Variants in DAB1 observed in about 807,000 individuals in gnomAD.
DAB1 encodes the protein disabled homolog 1.
Under a neutral mutation model 64.6 loss-of-function variants are expected in DAB1, and 15 were observed. The ratio of observed to expected loss-of-function variants is 0.23; its 90% CI spans 0.16 to 0.36. The LOEUF (loss-of-function observed/expected upper bound fraction) is 0.36. DAB1 is among the 10% of genes least tolerant of loss of function. The pLI is 1.00. For synonymous variants in DAB1, 235 were observed against 251.9 expected, an observed-to-expected ratio of 0.93 and a Z score of 0.64; for missense variants, 596 against 706.7, an observed-to-expected ratio of 0.84 and a Z score of 1.78.
chr1:58,369,816 A>T (rs990417762), intron 3 of DAB1, among the ~76,000 whole-genome samples: 6 of 152,254 alleles, frequency 3.9e-5, no homozygotes, highest in African/African-American at 1.4e-4. Flanking sequence ...GGTGACTGGA[A>T]TTAGAGAATC....
At chr1:58,437,299 A>T (rs1275515626) in intron 3 of DAB1, among the ~76,000 whole-genome samples, 1 of 152,222 alleles carries the variant, frequency 6.6e-6, no homozygotes, top group Admixed American at 6.5e-5. Flanking sequence ...ATTCTGATAC[A>T]TACAATCTAA....
chr1:58,358,318 A>C (rs1644130534), intron 3 of DAB1, among the ~76,000 whole-genome samples: 1 of 152,164 alleles, frequency 6.6e-6, no homozygotes, highest in Non-Finnish European at 1.5e-5. Flanking sequence ...AAAGAGGAGG[A>C]AGATTGTGTC....
At chr1:58,242,758 A>G (rs1272278408) in intron 4 of DAB1, among the ~76,000 whole-genome samples, 1 of 152,102 alleles carries the variant, frequency 6.6e-6, no homozygotes, top group East Asian at 1.9e-4. Context: ...GTTTCAAGAG[A>G]CTATTGGATC....
intron 7 of DAB1, among the ~76,000 whole-genome samples, chr1:57,438,150 G>A (rs1558379672): frequency 6.6e-6 from 1 of 152,038 alleles, no homozygotes; most frequent in Non-Finnish European, 1.5e-5. Context: ...TGAGGCACAA[G>A]CCCTTTAGTT....
intron 7 of DAB1, among the ~76,000 whole-genome samples, chr1:57,486,105 A>C (rs1644088810): frequency 6.6e-6 from 1 of 152,138 alleles, no homozygotes; most frequent in Admixed American, 6.5e-5. Flanking sequence ...AAAACAGATA[A>C]ATTAGGTTAA....
intron 5 of DAB1, among the ~76,000 whole-genome samples, chr1:58,106,881 T>C (rs1651677800): frequency 8.5e-6 from 1 of 118,210 alleles, no homozygotes; most frequent in Non-Finnish European, 1.6e-5. Flanking sequence ...TCCTTCCCTT[T>C]CTCCTTCCCT....
intron 6 of DAB1, among the ~76,000 whole-genome samples, chr1:57,753,836 C>A (rs552810106): frequency 1.3e-5 from 2 of 152,202 alleles, no homozygotes; most frequent in Non-Finnish European, 2.9e-5. Flanking sequence ...GCATTTGAAC[C>A]TGGATCTTCC....
At chr1:57,657,400 A>G (rs962304331) in intron 6 of DAB1, among the ~76,000 whole-genome samples, 1 of 152,206 alleles carries the variant, frequency 6.6e-6, no homozygotes, top group African/African-American at 2.4e-5. Context: ...CAATCACAGT[A>G]CGGAGTTCCC....
At chr1:58,445,549 G>A (rs1462975524) in intron 3 of DAB1, among the ~76,000 whole-genome samples, 1 of 152,192 alleles carries the variant, frequency 6.6e-6, no homozygotes, top group African/African-American at 2.4e-5. Context: ...TCCCCTCCAT[G>A]ATTTACACCT....
intron 2 of DAB1, among the ~76,000 whole-genome samples, chr1:58,521,174 A>C (rs1158192849): frequency 6.6e-6 from 1 of 152,208 alleles, no homozygotes; most frequent in Non-Finnish European, 1.5e-5. Flanking sequence ...AAAACTAAGC[A>C]ATATACTTCT....
rs1185454009 is a variant in DAB1, at chr1:57,243,013, TG to T, written c.67+47950del. Among the ~76,000 whole-genome samples the T allele has an allele frequency of 2.2e-3, 328 of 152,248 alleles. 8 individuals are homozygous for T. Among genetic ancestry groups the T allele is most frequent in the Non-Finnish European group, 1.8e-4 (12 of 68,010 alleles). On this transcript the variant is annotated intron_variant, in intron 2 of 14. Coordinates refer to ENST00000371236, the MANE Select transcript of DAB1 (RefSeq NM_001365792.1). The stretch of plus-strand genomic sequence containing the variant: ...ACTTAGTAGATACTCAATAAATACT[TG>T]TTGAATTGACCTGAAATGGGTTGTT...
At chr1:58,286,506 G>A (rs564744052) in intron 4 of DAB1, among the ~76,000 whole-genome samples, 2 of 152,210 alleles carry the variant, frequency 1.3e-5, no homozygotes, top group South Asian at 4.1e-4. Context: ...AGTGGACAAA[G>A]GACATGAACA....
chr1:58,400,479 G>A (rs1357785750), intron 3 of DAB1, among the ~76,000 whole-genome samples: 1 of 152,160 alleles, frequency 6.6e-6, no homozygotes, highest in Admixed American at 6.5e-5. Flanking sequence ...CAGACACCCC[G>A]AGGGTATTTA....
chr1:57,090,853 G>A (rs1006154717), intron 4 of DAB1, among the ~76,000 whole-genome samples: 12 of 152,058 alleles, frequency 7.9e-5, no homozygotes, highest in African/African-American at 1.5e-4. Context: ...GAGCAGTACC[G>A]CCTGAGCTCT....
chr1:57,949,163 T>TG (rs905144840), intron 5 of DAB1, among the ~76,000 whole-genome samples: 69 of 145,836 alleles, frequency 4.7e-4, no homozygotes, highest in Middle Eastern at 3.6e-3. Context: ...AATATTTCCA[T>TG]GGGGGGGGCT....
chr1:57,105,110 C>A (rs1655024198), intron 4 of DAB1, among the ~76,000 whole-genome samples: 1 of 152,076 alleles, frequency 6.6e-6, no homozygotes, highest in Admixed American at 6.6e-5. Flanking sequence ...AGATCTTCAA[C>A]TGACTCATCA....
chr1:58,183,675 T>C (rs1426157371), intron 4 of DAB1, among the ~76,000 whole-genome samples: 5 of 151,682 alleles, frequency 3.3e-5, no homozygotes, highest in Non-Finnish European at 2.9e-5. Context: ...GTTTTACAAG[T>C]GATATTTTAG....
At chr1:57,774,256 G>T (rs1461050696) in intron 6 of DAB1, among the ~76,000 whole-genome samples, 2 of 151,644 alleles carry the variant, frequency 1.3e-5, no homozygotes, top group African/African-American at 2.4e-5. Flanking sequence ...TTATTATACT[G>T]CTTCTTGCCA....
At chr1:57,675,403 G>C (rs1285483186) in intron 6 of DAB1, among the ~76,000 whole-genome samples, 1 of 152,162 alleles carries the variant, frequency 6.6e-6, no homozygotes, top group African/African-American at 2.4e-5. Flanking sequence ...ATAAGTGTCA[G>C]CTTAATCACT....
Sources: gnomAD v4.1 joint callset for allele counts (sites outside exome capture counted in the v4.1 genomes callset) on GRCh38, gnomAD v4.1.1 for gene constraint, MANE v1.5 for transcripts, NCBI Gene and HGNC (gene_info 2026-07-23, HGNC 2026-07-21) for gene names.